Variants in PPARGC1B observed in about 807,000 individuals in gnomAD.
The protein encoded by PPARGC1B is peroxisome proliferator-activated receptor gamma coactivator 1-beta.
A neutral mutation model predicts 101.6 loss-of-function variants in PPARGC1B; 34 were observed. The observed-to-expected ratio is 0.33, with a 90% CI of 0.25 to 0.45. The LOEUF is 0.45. Among genes scored for constraint, PPARGC1B ranks in the 20% least tolerant of loss-of-function variants. The pLI, the probability that PPARGC1B is intolerant of heterozygous loss-of-function variation, is 1.00. For synonymous variants in PPARGC1B, 548 were observed against 539.3 expected, an observed-to-expected ratio of 1.02 and a Z score of -0.22; for missense variants, 1,234 against 1,317.6, an observed-to-expected ratio of 0.94 and a Z score of 0.98.
At chr5:149,767,251 A>G (rs1274330571) in intron 1 of PPARGC1B, among the ~76,000 whole-genome samples, 1 of 152,194 alleles carries the variant, frequency 6.6e-6, no homozygotes, top group African/African-American at 2.4e-5. Context: ...CATGCAGGGA[A>G]GTCCCAGAGC....
intron 1 of PPARGC1B, among the ~76,000 whole-genome samples, chr5:149,809,995 G>A (rs959247993): frequency 2.0e-5 from 3 of 152,148 alleles, no homozygotes; most frequent in African/African-American, 4.8e-5. Flanking sequence ...CAGAGGCCCC[G>A]GGGTGGACAC....
intron 1 of PPARGC1B, among the ~76,000 whole-genome samples, chr5:149,757,624 C>T (rs990788227): frequency 7.3e-4 from 111 of 152,336 alleles, no homozygotes; most frequent in African/African-American, 2.5e-3. Flanking sequence ...CGTCTGCAGC[C>T]ACCATCGACA....
chr5:149,834,581 G>C (rs905629234), intron 5 of PPARGC1B, 93 bp from the exon 6 acceptor site: 1 of 1,141,128 alleles, frequency 8.8e-7, no homozygotes, highest in Non-Finnish European at 1.3e-6. Flanking sequence ...GCTGTGCTTG[G>C]CACCAGTGGA....
Position 149,793,650 on chromosome 5 carries a change from G to A in PPARGC1B, c.79-26783G>A, listed in dbSNP as rs538927558. Among the ~76,000 whole-genome samples the A allele has an allele frequency of 9.2e-5, 14 of 152,310 alleles. No individual in the cohort carries two copies. The East Asian group carries it at 2.1e-3, about 23-fold the overall frequency. The stretch of plus-strand genomic sequence containing the variant: ...CCCAGTGCCACTTGTCTCAGGTACA[G>A]CCTTACGCTTGGAAAGCTGTCTGAC... On this transcript the variant is annotated intron_variant, in intron 1 of 11. Transcript: ENST00000309241.
chr5:149,780,757 G>T (rs983265501), intron 1 of PPARGC1B, among the ~76,000 whole-genome samples: 1 of 152,218 alleles, frequency 6.6e-6, no homozygotes, highest in South Asian at 2.1e-4. Context: ...AGAATCAAAA[G>T]CAGGATGACT....
chr5:149,768,390 T>A (rs1364740022), intron 1 of PPARGC1B, among the ~76,000 whole-genome samples: 1 of 152,050 alleles, frequency 6.6e-6, no homozygotes, highest in Non-Finnish European at 1.5e-5. Context: ...TCATCCCATT[T>A]TAGCCTCCTG....
chr5:149,785,118 C>T (rs1001414733), intron 1 of PPARGC1B, among the ~76,000 whole-genome samples: 1 of 152,172 alleles, frequency 6.6e-6, no homozygotes, highest in African/African-American at 2.4e-5. Flanking sequence ...TGGAGAGAAC[C>T]CTCACCCAGG....
intron 1 of PPARGC1B, among the ~76,000 whole-genome samples, chr5:149,774,253 AGAG>A (rs1756264719): frequency 6.6e-6 from 1 of 152,136 alleles, no homozygotes; most frequent in Admixed American, 6.5e-5. Context: ...ACACCGTCGT[AGAG>A]AAGTTTACAG....
chr5:149,802,505 T>C (rs1371025339), intron 1 of PPARGC1B, among the ~76,000 whole-genome samples: 2 of 151,826 alleles, frequency 1.3e-5, no homozygotes, highest in Non-Finnish European at 2.9e-5. Flanking sequence ...CTCCCAGATG[T>C]GCAGGCAGGA....
At chr5:149,767,834 G>A (rs575385301) in intron 1 of PPARGC1B, among the ~76,000 whole-genome samples, 2 of 152,194 alleles carry the variant, frequency 1.3e-5, no homozygotes, top group African/African-American at 4.8e-5. Flanking sequence ...TGGGGTTGGG[G>A]GTGGGGGGTG....
chr5:149,795,818 AG>A (rs1757194109), intron 1 of PPARGC1B, among the ~76,000 whole-genome samples: 2 of 151,734 alleles, frequency 1.3e-5, no homozygotes, highest in Admixed American at 6.6e-5. Flanking sequence ...TTTTTTTCAC[AG>A]TATAACAGTG....
Position 149,850,545 on chromosome 5 carries a change from A to T in PPARGC1B, c.*2987A>T, listed in dbSNP as rs918154692. On this transcript the variant is annotated 3_prime_UTR_variant, in exon 12 of 12. Transcript: ENST00000309241. ...AGACAACCTCTATCCCGAAGGACTCATTCGGTGCTGTGTATTATTTAGGGC... is the reference window on the plus strand; with the variant it reads ...AGACAACCTCTATCCCGAAGGACTCTTTCGGTGCTGTGTATTATTTAGGGC... 2.6e-5 allele frequency: 4 copies of T among 152,216 alleles called. No individual in the cohort carries two copies. Among genetic ancestry groups the T allele is most frequent in the African/African-American group, 9.6e-5 (4 of 41,460 alleles). The allele number at this position is 152,216 out of a possible 1,614,324, so 9.4% of individuals were successfully genotyped here.
chr5:149,771,928 G>A (rs1756147164), intron 1 of PPARGC1B: 6 of 1,101,562 alleles, frequency 5.4e-6, no homozygotes, highest in Middle Eastern at 3.1e-4. Context: ...CCAAGCTTTA[G>A]CATTCTGCTT....
chr5:149,852,147 C>G lies in PPARGC1B; in HGVS notation c.*4589C>G, dbSNP rs1759791969. ...GAAACAGGGAGCCATGGGTTTAGAT[C>G]TTGGTACCTACCTTTACAGAAAGAT... On this transcript the variant is annotated 3_prime_UTR_variant, in exon 12 of 12. Transcript: ENST00000309241. 6.6e-6 allele frequency: 1 copy of G among 152,230 alleles called. No homozygotes were observed. The highest frequency in any genetic ancestry group is 1.5e-5 in the Non-Finnish European group (1 of 68,060). 9.4% of individuals were successfully genotyped at this position (152,230 alleles called of 1,614,324 possible). A position where few individuals can be genotyped will look rare whatever the true frequency, so the allele number is the denominator to read the frequency against.
chr5:149,735,661 C>T (rs530059875), intron 1 of PPARGC1B, among the ~76,000 whole-genome samples: 1 of 152,204 alleles, frequency 6.6e-6, no homozygotes, highest in East Asian at 1.9e-4. Flanking sequence ...AGAGAACTCA[C>T]TGACTTGTGG....
At chr5:149,772,166 G>A (rs1047735667) in intron 1 of PPARGC1B, 6 of 1,607,756 alleles carry the variant, frequency 3.7e-6, no homozygotes, top group Non-Finnish European at 5.1e-6. Flanking sequence ...AGGTTGTTTA[G>A]GTGGCGTTGG....
intron 9 of PPARGC1B, 133 bp downstream of exon 9, chr5:149,840,249 G>A (rs1400879429): frequency 1.1e-5 from 8 of 732,106 alleles, no homozygotes; most frequent in Non-Finnish European, 1.8e-5. Flanking sequence ...GGGGAAGAAG[G>A]GACTATGGCA....
Position 149,850,317 on chromosome 5 carries a change from A to C in PPARGC1B, c.*2759A>C, listed in dbSNP as rs549693350. On this transcript the variant is annotated 3_prime_UTR_variant, in exon 12 of 12. Transcript: ENST00000309241. ...CCCTCCCTGCTTTGGGGTCAGCTAA[A>C]GCTGTCCTTTCATGTCAGATTAACC... The C allele has an allele frequency of 6.6e-6, 1 of 152,216 alleles. No individual in the cohort carries two copies. The highest frequency in any genetic ancestry group is 1.5e-5 in the Non-Finnish European group (1 of 68,050). 9.4% of individuals were successfully genotyped at this position (152,216 alleles called of 1,614,324 possible).
intron 1 of PPARGC1B, among the ~76,000 whole-genome samples, chr5:149,818,261 T>G (rs1269156628): frequency 6.6e-6 from 1 of 152,248 alleles, no homozygotes; most frequent in Non-Finnish European, 1.5e-5. Flanking sequence ...TTACATGTTT[T>G]GTTTGTGTGA....
Sources: allele counts gnomAD v4.1 joint callset (sites outside exome capture counted in the v4.1 genomes callset), GRCh38; gene constraint gnomAD v4.1.1; transcripts MANE v1.5; gene names NCBI Gene and HGNC (gene_info 2026-07-23, HGNC 2026-07-21).